Variants in CRLF2 observed in about 807,000 individuals in gnomAD.
The protein encoded by CRLF2 is cytokine receptor-like factor 2.
In CRLF2, 41 loss-of-function variants were observed where a neutral mutation model predicts 38.7. That is an observed-to-expected ratio of 1.06 (90% CI 0.83 to 1.37). The LOEUF (loss-of-function observed/expected upper bound fraction) is 1.37, where lower values mean the gene tolerates loss of function less well. Ranked by LOEUF, CRLF2 falls within the 40% of genes most tolerant of loss-of-function variation. The pLI is 0.00. For synonymous variants in CRLF2, 140 were observed against 128.8 expected (o/e 1.09, Z -0.59); for missense variants, 377 against 322.2 (o/e 1.17, Z -1.30).
At chrX:1,196,710 C>G (rs2086481790) in intron 6 of CRLF2, 70 bp downstream of exon 6, 9 of 1,570,052 alleles carry the variant, frequency 5.7e-6, no homozygotes, top group Middle Eastern at 4.0e-4. Context: ...GGCGATTAAT[C>G]TTTTTTCGTA....
At chrX:1,207,173 T>C (rs1370147515) in intron 2 of CRLF2, among the ~76,000 whole-genome samples, 1 of 152,132 alleles carries the variant, frequency 6.6e-6, no homozygotes, top group East Asian at 1.9e-4. Context: ...CTCGATCTCC[T>C]GACCTCAGGT....
chrX:1,211,354 TG>T (rs2086796407), intron 1 of CRLF2, among the ~76,000 whole-genome samples: 2 of 126,234 alleles, frequency 1.6e-5, no homozygotes, highest in Non-Finnish European at 3.4e-5. Context: ...GATGGGTGGA[TG>T]GGTGGATGGA....
At chrX:1,209,025 TG>T (rs1184142007) in intron 1 of CRLF2, 117 bp from the exon 2 acceptor site, 1 of 645,880 alleles carries the variant, frequency 1.5e-6, no homozygotes, top group African/African-American at 1.8e-5. Context: ...TGGAGTACAA[TG>T]GCACGATCTC....
Position 1,191,295 on chromosome X carries a change from CTCTTTCTT to C in CRLF2, c.853-143_853-136del, listed in dbSNP as rs1237998931. On this transcript the variant is annotated intron_variant, in intron 7 of 7. Transcript: ENST00000400841. ...TCTTTCTCTCTCTTTCTTTTCTTTTCTCTTTCTTTCTTTCTTTCTTTCTTTCTTTCTTT... is the reference window on the plus strand; with the variant it reads ...TCTTTCTCTCTCTTTCTTTTCTTTTCTCTTTCTTTCTTTCTTTCTTTCTTT... The C allele has an allele frequency of 5.0e-3, 1,655 of 331,100 alleles. 31 individuals carry two copies. Among genetic ancestry groups the C allele is most frequent in the African/African-American group, 0.032 (1,120 of 34,800 alleles). The allele number at this position is 331,100 out of a possible 1,614,324, so 20.5% of individuals were successfully genotyped here.
chrX:1,196,798 GAC>G lies in CRLF2; in HGVS notation c.747_748del (p.Ser250PhefsTer27), dbSNP rs1373047364. On this transcript the variant is annotated frameshift_variant, in exon 6 of 8. Transcript: ENST00000400841. LOFTEE classifies it high-confidence loss of function. ...TCCTTACCTCCATAATTTCCATAAAGACAGAAGGAGGAGAGACACCATCAGAA... is the reference window on the plus strand; with the variant it reads ...TCCTTACCTCCATAATTTCCATAAAGAGAAGGAGGAGAGACACCATCAGAA... 1 of 1,613,112 alleles carries G rather than the reference GAC, an allele frequency of 6.2e-7. No individual in the cohort carries two copies. The highest frequency in any genetic ancestry group is 1.3e-5 in the African/African-American group (1 of 74,812).
chrX:1,191,851 C>T (rs1175689474), intron 7 of CRLF2, among the ~76,000 whole-genome samples: 1 of 151,890 alleles, frequency 6.6e-6, no homozygotes, highest in African/African-American at 2.4e-5. Context: ...AAATTCTAAG[C>T]CCTCCAACAG....
intron 2 of CRLF2, 53 bp from the exon 3 acceptor site, chrX:1,206,652 T>C: frequency 3.2e-6 from 5 of 1,567,474 alleles, no homozygotes; most frequent in East Asian, 2.2e-5. Flanking sequence ...GCATGTCTTA[T>C]TTATTTAGAG....
intron 3 of CRLF2, among the ~76,000 whole-genome samples, chrX:1,205,510 C>G (rs183553410): frequency 1.4e-4 from 21 of 150,650 alleles, no homozygotes; most frequent in Non-Finnish European, 4.4e-5. Context: ...TCATTGATCC[C>G]GCGACTTGCG....
At chrX:1,207,056 C>T (rs1156366932) in intron 2 of CRLF2, among the ~76,000 whole-genome samples, 104 of 151,318 alleles carry the variant, frequency 6.9e-4, no homozygotes, top group African/African-American at 2.4e-3. Flanking sequence ...AGCGATTCTC[C>T]TGCCTCTGCC....
chrX:1,192,675 C>CTTTCTT (rs1204612909), intron 7 of CRLF2, among the ~76,000 whole-genome samples: 1 of 145,852 alleles, frequency 6.9e-6, no homozygotes, highest in Non-Finnish European at 1.5e-5. Context: ...TTTTCTTTCT[C>CTTTCTT]TTTCTTTTTC....
At chrX:1,192,129 C>G (rs1275466047) in intron 7 of CRLF2, among the ~76,000 whole-genome samples, 2 of 135,388 alleles carry the variant, frequency 1.5e-5, no homozygotes, top group Non-Finnish European at 3.1e-5. Context: ...GGCGTGAACC[C>G]GGGAGGTGGA....
intron 2 of CRLF2, among the ~76,000 whole-genome samples, chrX:1,206,817 A>T (rs1257002043): frequency 7.1e-6 from 1 of 140,440 alleles, no homozygotes; most frequent in Non-Finnish European, 1.6e-5. Flanking sequence ...TAATTTTTGT[A>T]GTTTTACTGG....
In CRLF2 at chrX:1,198,604, C is replaced by A. The variant is rs781459586; in HGVS notation, c.604G>T (p.Asp202Tyr). Residue 202 changes from aspartate (D) to tyrosine (Y), a missense_variant, in exon 5 of 8, where the codon GAC becomes TAC. By Grantham distance (160) the Asp-to-Tyr change is radical (BLOSUM62 -3). Transcript: ENST00000400841. ...TGCCAGCATGTCACCTCTGACCAGT[C>A]GCTTGGGTATGTGTCTGGCCCATAT... ...DVYGPDTYPS[D>Y]WSEVTCWQRG... 2 of 1,613,718 alleles carry A rather than the reference C, an allele frequency of 1.2e-6. No individual in the cohort carries two copies. The highest frequency in any genetic ancestry group is 2.2e-5 in the South Asian group (2 of 91,068).
intron 1 of CRLF2, among the ~76,000 whole-genome samples, chrX:1,209,723 T>A (rs2086761946): frequency 1.3e-5 from 2 of 151,936 alleles, no homozygotes; most frequent in South Asian, 4.2e-4. Flanking sequence ...CAACAACACA[T>A]CCCCTGTGGA....
chrX:1,212,455 C>G (rs1452884218), intron 1 of CRLF2, 101 bp downstream of exon 1: 1 of 648,946 alleles, frequency 1.5e-6, no homozygotes. Flanking sequence ...AAGAAAGAAA[C>G]CTCCATGCTC....
rs2086374038 is a variant in CRLF2, at chrX:1,191,337, C to CTTTCTTTCTTTCTTTCTTTCTTTCT, written c.853-178_853-177insAGAAAGAAAGAAAGAAAGAAAGAAA. ...TCTTTCTTTCTTTCTTTCTTTCTTT[C>CTTTCTTTCTTTCTTTCTTTCTTTCT]TTTCTTTCCTTCTTTCTTTCTTTCC... On this transcript the variant is annotated intron_variant, in intron 7 of 7. Transcript: ENST00000400841. Among the ~76,000 whole-genome samples the CTTTCTTTCTTTCTTTCTTTCTTTCT allele has an allele frequency of 1.7e-4, 20 of 115,830 alleles. No homozygotes were observed. In the South Asian group the frequency reaches 5.6e-3, roughly 32 times the overall value. The allele number at this position is 115,830 out of a possible 152,430, so 76.0% of individuals were successfully genotyped here.
At chrX:1,193,065 G>A (rs1240676823) in intron 7 of CRLF2, among the ~76,000 whole-genome samples, 153 bp downstream of exon 7, 29 of 151,708 alleles carry the variant, frequency 1.9e-4, no homozygotes, top group African/African-American at 5.3e-4. Flanking sequence ...CTCCCACCTC[G>A]GCCTCCCAAA....
intron 6 of CRLF2, 114 bp downstream of exon 6, chrX:1,196,666 A>G: frequency 1.5e-6 from 2 of 1,339,912 alleles, no homozygotes; most frequent in Non-Finnish European, 2.0e-6. Flanking sequence ...TGGGCATTGT[A>G]TGGAAACTGA....
In CRLF2 at chrX:1,206,630, C is replaced by A. The variant is rs758548605; in HGVS notation, c.183-31G>T. 60 of 1,595,598 alleles carry A rather than the reference C, an allele frequency of 3.8e-5. No individual in the cohort carries two copies. In the Admixed American group the frequency reaches 5.9e-4, roughly 16 times the overall value. ...GTTTAAAACGATGACCATTCAGCAACAAAACAAAAAAGCATGTCTTATTTA... is the reference window on the plus strand; with the variant it reads ...GTTTAAAACGATGACCATTCAGCAAAAAAACAAAAAAGCATGTCTTATTTA... On this transcript the variant is annotated intron_variant, in intron 2 of 7. Transcript: ENST00000400841.
Sources: gnomAD v4.1 joint callset for allele counts (sites outside exome capture counted in the v4.1 genomes callset) on GRCh38, gnomAD v4.1.1 for gene constraint, MANE v1.5 for transcripts, NCBI Gene and HGNC (gene_info 2026-07-23, HGNC 2026-07-21) for gene names.